The following DACT2 variants were observed in gnomAD, a reference collection of about 807,000 sequenced individuals.
The protein encoded by DACT2 is dishevelled binding antagonist of beta catenin 2.
A neutral mutation model predicts 22.2 loss-of-function variants in DACT2; 20 were observed. The ratio of observed to expected loss-of-function variants is 0.90; its 90% confidence interval spans 0.63 to 1.31. DACT2 has a LOEUF of 1.31. Among genes scored for constraint, DACT2 ranks in the 50% most tolerant of loss-of-function variants. DACT2 has a pLI of 0.00. For synonymous variants in DACT2, 463 were observed against 479.8 expected, an observed-to-expected ratio of 0.96 and a Z score of 0.46; for missense variants, 1,048 against 1,061.4, an observed-to-expected ratio of 0.99 and a Z score of 0.18.
chr6:168,303,074 G>T (rs189273988), downstream of DACT2, among the ~76,000 whole-genome samples: 91 of 152,192 alleles, frequency 6.0e-4, no homozygotes, highest in African/African-American at 2.1e-3. Flanking sequence ...TAATAATTTT[G>T]CCCTTTTTTC....
chr6:168,307,420 A>G lies in DACT2; in HGVS notation c.*12T>C. On this transcript the variant is annotated 3_prime_UTR_variant, in exon 4 of 4. Transcript: ENST00000366795. The surrounding 1 kb of genome is among the most constrained non-coding windows in gnomAD (Gnocchi z 5.3). ...GTGTGCAGCAGGCTTCTCTTGACGCAGTCACTGCACCTCACACCATGGTCA... is the reference window on the plus strand; with the variant it reads ...GTGTGCAGCAGGCTTCTCTTGACGCGGTCACTGCACCTCACACCATGGTCA... 6.4e-7 allele frequency: 1 copy of G among 1,551,368 alleles called. No individual in the cohort carries two copies. Among genetic ancestry groups the G allele is most frequent in the Non-Finnish European group, 8.7e-7 (1 of 1,146,886 alleles).
At position 168,319,725 on chromosome 6, in the gene DACT2, C is replaced by T. The variant is rs1779602847; in HGVS notation, c.-92G>A. 11 of 1,182,114 alleles carry T rather than the reference C, an allele frequency of 9.3e-6. No homozygotes were observed. The highest frequency in any genetic ancestry group is 1.2e-5 in the Non-Finnish European group (11 of 955,828). 73.2% of individuals were successfully genotyped at this position (1,182,114 alleles called of 1,614,324 possible). The stretch of plus-strand genomic sequence containing the variant: ...CCGAGCTGTGTCGCGGGTCCTCCTG[C>T]GCCTCCTCTCTCCGCCCCCGGCTCC... On this transcript the variant is annotated 5_prime_UTR_variant, in exon 1 of 4. Coordinates refer to ENST00000366795, the MANE Select transcript of DACT2 (RefSeq NM_214462.5).
intron 1 of DACT2, 63 bp downstream of exon 1, chr6:168,319,325 C>T: frequency 1.7e-6 from 2 of 1,171,966 alleles, no homozygotes; most frequent in East Asian, 3.8e-5. Context: ...CAGTCGCTGC[C>T]GAAGGAGCAG....
intron 1 of DACT2, among the ~76,000 whole-genome samples, chr6:168,312,977 C>A (rs1397763381): frequency 2.6e-5 from 4 of 152,190 alleles, no homozygotes; most frequent in Non-Finnish European, 4.4e-5. Context: ...CAGGAGCAGA[C>A]CTCCTCCTCC....
At chr6:168,303,789 T>C (rs1410537155), downstream of DACT2, among the ~76,000 whole-genome samples, 1 of 152,212 alleles carries the variant, frequency 6.6e-6, no homozygotes, top group Non-Finnish European at 1.5e-5. Context: ...ATACGCTCTG[T>C]TTTCTTCAAT....
chr6:168,293,562 T>C (rs1778947983), exon 6 of DACT2: 2 of 299,216 alleles, frequency 6.7e-6, no homozygotes, highest in South Asian at 1.1e-4. Context: ...ACATGGTGCT[T>C]ATGGCCCCAG....
Position 168,308,659 on chromosome 6 carries a change from C to T in DACT2, c.1098G>A (p.Gln366=). 6.5e-7 allele frequency: 1 copy of T among 1,544,986 alleles called. No homozygotes were observed. Among genetic ancestry groups the T allele is most frequent in the Non-Finnish European group, 8.7e-7 (1 of 1,146,970 alleles). The change falls in exon 4 of 4, where the codon CAG becomes CAA. Residue 366 remains glutamine, a synonymous_variant. Transcript: ENST00000366795. ...CGTCTGTACTCCAGCCACCCTGCCTCTGTGGAGATGGGGACGCTGCATGCC... is the reference window on the plus strand; with the variant it reads ...CGTCTGTACTCCAGCCACCCTGCCTTTGTGGAGATGGGGACGCTGCATGCC... The part of the protein sequence containing the change: ...PLRHAASPSP[Q]RQGGWSTDGG...
downstream of DACT2, among the ~76,000 whole-genome samples, chr6:168,306,163 T>G (rs1267263619): frequency 6.6e-6 from 1 of 152,232 alleles, no homozygotes; most frequent in East Asian, 1.9e-4. Flanking sequence ...TCTGGTTTTC[T>G]GACTGGCTTC....
At position 168,310,400 on chromosome 6, in the gene DACT2, G is replaced by A. The variant is rs751567359; in HGVS notation, c.426C>T (p.Ser142=). The A allele has an allele frequency of 9.7e-6, 15 of 1,551,590 alleles. No individual in the cohort carries two copies. The highest frequency in any genetic ancestry group is 1.3e-5 in the Non-Finnish European group (15 of 1,146,930). ...SDGGSCSLST[S]CASVCSDHIS... ...TGTGGTCACTGCAGACGGAGGCACAGGACGTGGACAGGGAGCAGGATCCAC... is the reference window on the plus strand; with the variant it reads ...TGTGGTCACTGCAGACGGAGGCACAAGACGTGGACAGGGAGCAGGATCCAC... The change falls in exon 3 of 4, where the codon TCC becomes TCT. Residue 142 remains serine, a synonymous_variant. Coordinates refer to ENST00000366795, the MANE Select transcript of DACT2 (RefSeq NM_214462.5).
At chr6:168,306,777 G>A, downstream of DACT2, 1 of 673,040 alleles carries the variant, frequency 1.5e-6, no homozygotes, top group Non-Finnish European at 1.8e-6. Context: ...ACTAAAACCA[G>A]AGTTTAGTCT....
At chr6:168,305,400 T>C (rs1043283083), downstream of DACT2, among the ~76,000 whole-genome samples, 2 of 152,320 alleles carry the variant, frequency 1.3e-5, no homozygotes, top group African/African-American at 4.8e-5. Context: ...CCCACTGCAC[T>C]CACTCTCCTT....
chr6:168,308,862 C>T lies in DACT2; in HGVS notation c.895G>A (p.Gly299Ser). The change falls in exon 4 of 4, where the codon GGT (glycine) becomes AGT (serine). Residue 299 changes from glycine to serine, a missense_variant. Gly to Ser is a moderately conservative substitution (Grantham distance 56). Coordinates refer to ENST00000366795, the MANE Select transcript of DACT2 (RefSeq NM_214462.5). The part of the protein sequence containing the change: ...FVLTKETPQR[G>S]GPSFPRESPR... ...CTCTCCCTAGGGAACGAGGGGCCAC[C>T]TCTCTGTGGGGTTTCCTTAGTCAGG... 2.6e-6 allele frequency: 4 copies of T among 1,551,042 alleles called. No homozygotes were observed. Among genetic ancestry groups the T allele is most frequent in the Non-Finnish European group, 2.6e-6 (3 of 1,146,862 alleles).
At chr6:168,316,303 TGAGGTCACGCA>T (rs994199314) in intron 1 of DACT2, among the ~76,000 whole-genome samples, 7 of 150,666 alleles carry the variant, frequency 4.6e-5, no homozygotes, top group African/African-American at 1.5e-4. Flanking sequence ...TGTGCTGAGC[TGAGGTCACGCA>T]GAAGCTGCGA....
chr6:168,316,357 A>G (rs59048577), intron 1 of DACT2, among the ~76,000 whole-genome samples: 2,093 of 16,370 alleles, frequency 0.13, 104 homozygotes, highest in Middle Eastern at 0.21. Flanking sequence ...ACAGCATCTC[A>G]GCAGCACCTC....
At chr6:168,317,914 T>G (rs1172948390) in intron 1 of DACT2, among the ~76,000 whole-genome samples, 1 of 66,462 alleles carries the variant, frequency 1.5e-5, no homozygotes, top group African/African-American at 4.5e-5. Context: ...TGAGCTGAGG[T>G]CACGCAGAAG....
intron 1 of DACT2, among the ~76,000 whole-genome samples, chr6:168,313,990 C>T (rs1238472160): frequency 2.0e-5 from 3 of 151,272 alleles, no homozygotes; most frequent in African/African-American, 7.3e-5. Context: ...TCAGGATTCA[C>T]GCCGCGCTTG....
chr6:168,310,070 G>A (rs532174104), intron 3 of DACT2, 98 bp downstream of exon 3: 66 of 1,489,972 alleles, frequency 4.4e-5, no homozygotes, highest in African/African-American at 1.8e-4. Context: ...AGCGTGCTCC[G>A]TGTAGGGTCC....
At chr6:168,296,906 C>T (rs1562490243) in intron 3 of DACT2, among the ~76,000 whole-genome samples, 1 of 152,076 alleles carries the variant, frequency 6.6e-6, no homozygotes, top group Non-Finnish European at 1.5e-5. Flanking sequence ...CTGTAACTTA[C>T]CACTCACCAA....
intron 1 of DACT2, among the ~76,000 whole-genome samples, chr6:168,318,650 T>C (rs1264970658): frequency 6.6e-6 from 1 of 151,986 alleles, no homozygotes; most frequent in African/African-American, 2.4e-5. Flanking sequence ...AATCATACAA[T>C]AACATAATAA....
Sources: allele counts gnomAD v4.1 joint callset (sites outside exome capture counted in the v4.1 genomes callset), GRCh38; gene constraint gnomAD v4.1.1; non-coding constraint Gnocchi (gnomAD v3.1); transcripts MANE v1.5; gene names NCBI Gene and HGNC (gene_info 2026-07-23, HGNC 2026-07-21).